NOP2: variants seen among roughly 807,000 people sequenced by gnomAD.
NOP2 encodes NOP2 nucleolar protein, also known as 28S rRNA (cytosine(4447)-C(5))-methyltransferase.
A neutral mutation model predicts 72.7 loss-of-function variants in NOP2; 7 were observed. The ratio of observed to expected loss-of-function variants is 0.10; its 90% CI spans 0.05 to 0.18. The LOEUF (loss-of-function observed/expected upper bound fraction) is 0.18, where lower values mean the gene tolerates loss of function less well. NOP2 is among the 10% of genes least tolerant of loss of function. The probability of loss-of-function intolerance (pLI) is 1.00; values close to 1 mark genes in which losing one functional copy is unlikely to be tolerated. For synonymous variants in NOP2, 387 were observed against 388.0 expected (o/e 1.00, Z 0.03); for missense variants, 954 against 1,014.7 (o/e 0.94, Z 0.81).
intron 15 of NOP2, 147 bp from the exon 16 acceptor site, chr12:6,557,789 C>A: frequency 1.2e-6 from 1 of 855,146 alleles, no homozygotes; most frequent in Non-Finnish European, 1.8e-6. Context: ...TACCTAAATT[C>A]CCATTACTTA....
At chr12:6,567,129 T>C (rs1368787601) in intron 2 of NOP2, among the ~76,000 whole-genome samples, 1 of 152,090 alleles carries the variant, frequency 6.6e-6, no homozygotes, top group Non-Finnish European at 1.5e-5. Flanking sequence ...GTTGTATTTT[T>C]AGTAAAGACA....
intron 9 of NOP2, 28 bp downstream of exon 9, chr12:6,563,053 T>A: frequency 6.4e-7 from 1 of 1,555,200 alleles, no homozygotes; most frequent in South Asian, 1.2e-5. Flanking sequence ...CCTTCTGAGA[T>A]GAGTGAGCCT....
At chr12:6,563,226 G>A (rs1303732230) in intron 8 of NOP2, 56 bp from the exon 9 acceptor site, 97 of 1,552,630 alleles carry the variant, frequency 6.2e-5, no homozygotes, top group Non-Finnish European at 7.3e-5. Context: ...TCAGTCAGAA[G>A]AGGGGAGCAA....
rs1196487720 is a variant in NOP2 at position 6,560,835 on chromosome 12, G to A, written c.1348-48C>T. 8 of 1,608,152 alleles carry A rather than the reference G, an allele frequency of 5.0e-6. No homozygotes were observed. Among genetic ancestry groups the A allele is most frequent in the Non-Finnish European group, 5.9e-6 (7 of 1,176,952 alleles). On this transcript the variant is annotated intron_variant, in intron 12 of 15. Coordinates refer to ENST00000322166, the MANE Select transcript of NOP2 (RefSeq NM_001258308.2). The surrounding 1 kb of genome is among the most constrained non-coding windows in gnomAD (Gnocchi z 5.0). ...TCATATGTCTCTTCTGCAACCAGCA[G>A]GGCAATATTTACTAGGGTCGAGTCT... is the stretch of plus-strand genomic sequence containing the variant.
At chr12:6,559,225 T>C (rs1047932259) in intron 15 of NOP2, among the ~76,000 whole-genome samples, 4 of 151,908 alleles carry the variant, frequency 2.6e-5, no homozygotes, top group Non-Finnish European at 4.4e-5. Context: ...TTCATGCCAT[T>C]CTCCTGCCTC....
intron 2 of NOP2, 84 bp downstream of exon 2, chr12:6,567,732 T>C (rs1947818293): frequency 4.6e-6 from 5 of 1,076,628 alleles, no homozygotes; most frequent in Middle Eastern, 2.1e-4. Flanking sequence ...AAATATAAAA[T>C]GAACAGAAAC....
At chr12:6,565,833 T>C (rs1947765929) in intron 5 of NOP2, among the ~76,000 whole-genome samples, 1 of 152,154 alleles carries the variant, frequency 6.6e-6, no homozygotes, top group Non-Finnish European at 1.5e-5. Context: ...TGCATTTCTG[T>C]GCCCATCAGT....
At chr12:6,565,349 T>C (rs1188152777) in intron 5 of NOP2, among the ~76,000 whole-genome samples, 1 of 151,976 alleles carries the variant, frequency 6.6e-6, no homozygotes, top group Non-Finnish European at 1.5e-5. Flanking sequence ...ACTTAACTTT[T>C]TTTTTTTTTG....
chr12:6,557,712 A>T (rs1017006764), intron 15 of NOP2, 70 bp from the exon 16 acceptor site: 8 of 1,439,558 alleles, frequency 5.6e-6, no homozygotes, highest in Non-Finnish European at 5.6e-6. Flanking sequence ...TTCTCATATT[A>T]AAATATGAGA....
At chr12:6,557,738 G>T in intron 15 of NOP2, 96 bp from the exon 16 acceptor site, 1 of 1,310,926 alleles carries the variant, frequency 7.6e-7, no homozygotes, top group Non-Finnish European at 1.0e-6. Context: ...CATTTCCTGG[G>T]CAGGAGCTCC....
intron 2 of NOP2, 95 bp downstream of exon 2, chr12:6,567,721 T>A: frequency 1.0e-6 from 1 of 974,462 alleles, no homozygotes; most frequent in Non-Finnish European, 1.5e-6. Flanking sequence ...AGATTCCACT[T>A]AAATATAAAA....
At position 6,563,717 on chromosome 12, in the gene NOP2, G is replaced by A. The variant is rs752858121; in HGVS notation, c.585C>T (p.Thr195=). The A allele has an allele frequency of 5.6e-6, 9 of 1,613,294 alleles. No individual in the cohort carries two copies. The highest frequency in any genetic ancestry group is 4.0e-5 in the African/African-American group (3 of 74,868). Residue 195 remains threonine, a synonymous_variant, in exon 7 of 16, where the codon ACC becomes ACT. Coordinates refer to ENST00000322166, the MANE Select transcript of NOP2 (RefSeq NM_001258308.2). ...CCACCTTTGGGGGGCCTGACTCAGG[G>A]GTCACTTCTTTCTCTTCCTCCTCGT... ...TEDEEEEKEV[T]PESGPPKVEE...
Position 6,560,359 on chromosome 12 carries a change from A to G in NOP2, c.1561-33T>C. 1 of 1,609,464 alleles carries G rather than the reference A, an allele frequency of 6.2e-7. No individual in the cohort carries two copies. Among genetic ancestry groups the G allele is most frequent in the Non-Finnish European group, 8.5e-7 (1 of 1,176,296 alleles). On this transcript the variant is annotated intron_variant, in intron 14 of 15. Transcript: ENST00000322166. The surrounding 1 kb of genome is among the most constrained non-coding windows in gnomAD (Gnocchi z 5.0). ...TGGGGGGAAGACAAAGAACGGAGGA[A>G]AAAGCAGAGCTGGAGCTGAAGGGAG...
chr12:6,564,459 G>A (rs12322223), intron 5 of NOP2, among the ~76,000 whole-genome samples: 2,623 of 151,080 alleles, frequency 0.017, 70 homozygotes, highest in African/African-American at 0.06. Context: ...GAGAAGTCTC[G>A]CTCTTGTCCC....
chr12:6,563,996 T>C (rs1947715171), intron 5 of NOP2, 50 bp from the exon 6 acceptor site: 1 of 1,592,012 alleles, frequency 6.3e-7, no homozygotes, highest in South Asian at 1.1e-5. Context: ...CCATCAGCCC[T>C]TGTAGCAGTT....
At chr12:6,566,935 T>G in intron 2 of NOP2, 113 bp from the exon 3 acceptor site, 1 of 830,870 alleles carries the variant, frequency 1.2e-6, no homozygotes, top group South Asian at 1.6e-5. Context: ...GGAGTCCATT[T>G]AAATCTCAGC....
Position 6,566,616 on chromosome 12 carries a change from C to T in NOP2, c.151G>A (p.Ala51Thr), listed in dbSNP as rs772796064. ...KRLSSRARKR[A>T]AKRRLGSVEA... ...ACAGAGCCCAATCTCCTCTTGGCTGCCCTGAAAAGACACAAGAGATTCAAG... is the reference window on the plus strand; with the variant it reads ...ACAGAGCCCAATCTCCTCTTGGCTGTCCTGAAAAGACACAAGAGATTCAAG... Residue 51 changes from alanine (A) to threonine (T), a missense_variant and splice_region_variant, in exon 4 of 16, where the codon GCA (alanine) becomes ACA (threonine). By Grantham distance (58) the Ala-to-Thr change is moderately conservative. This residue lies in a region of NOP2 where 498 missense variants were observed against 478.3 expected (regional missense o/e 1.04). Transcript: ENST00000322166. The T allele has an allele frequency of 6.2e-7, 1 of 1,613,722 alleles. No homozygotes were observed. Among genetic ancestry groups the T allele is most frequent in the South Asian group, 1.1e-5 (1 of 91,046 alleles).
chr12:6,564,027 T>C (rs1427884818), intron 5 of NOP2, 81 bp from the exon 6 acceptor site: 1 of 1,551,538 alleles, frequency 6.4e-7, no homozygotes, highest in African/African-American at 1.4e-5. Flanking sequence ...ATCTTATTTT[T>C]TCGCTAAATA....
At chr12:6,564,439 T>A (rs979771819) in intron 5 of NOP2, 10 of 159,406 alleles carry the variant, frequency 6.3e-5, no homozygotes, top group Admixed American at 4.4e-4. Context: ...TTCTGCCATA[T>A]TTTTTTTGAG....
Sources: allele counts gnomAD v4.1 joint callset (sites outside exome capture counted in the v4.1 genomes callset), GRCh38; gene constraint gnomAD v4.1.1; regional missense constraint gnomAD v4.1.1; non-coding constraint Gnocchi (gnomAD v3.1); transcripts MANE v1.5; gene names NCBI Gene and HGNC (gene_info 2026-07-23, HGNC 2026-07-21).